The following ACBD6 variants were observed in gnomAD, a reference collection of about 807,000 sequenced individuals.
ACBD6 encodes the protein acyl-CoA binding domain containing 6.
ACBD6 carries 28 observed loss-of-function variants against 37.2 expected under a neutral mutation model. That is an observed-to-expected ratio of 0.75 (90% CI 0.56 to 1.03). ACBD6 has a LOEUF of 1.03. Ranked by LOEUF, ACBD6 falls within the 50% of genes least tolerant of loss-of-function variation. The pLI, the probability that ACBD6 is intolerant of heterozygous loss-of-function variation, is 0.00. For missense variants in ACBD6, 340 were observed against 337.4 expected, an observed-to-expected ratio of 1.01 and a Z score of -0.06; for synonymous variants, 113 against 126.8, an observed-to-expected ratio of 0.89 and a Z score of 0.73.
intron 3 of ACBD6, among the ~76,000 whole-genome samples, chr1:180,444,839 G>A (rs1277949569): frequency 6.6e-6 from 1 of 152,104 alleles, no homozygotes; most frequent in Non-Finnish European, 1.5e-5. Context: ...ATAAGTTGTT[G>A]GCTAAATCTT....
intron 3 of ACBD6, among the ~76,000 whole-genome samples, chr1:180,434,139 C>A (rs555537676): frequency 2.0e-4 from 30 of 152,158 alleles, no homozygotes; most frequent in Non-Finnish European, 4.3e-4. Context: ...AAGTCGGGGT[C>A]TGGACATGCC....
intron 3 of ACBD6, among the ~76,000 whole-genome samples, chr1:180,456,018 C>T (rs570715642): frequency 1.7e-4 from 26 of 152,066 alleles, no homozygotes; most frequent in Admixed American, 1.3e-3. Context: ...CGAGACCAGC[C>T]GGGCCAACAT....
intron 6 of ACBD6, among the ~76,000 whole-genome samples, chr1:180,343,331 A>T (rs1022062084): frequency 3.3e-5 from 5 of 152,170 alleles, no homozygotes; most frequent in Non-Finnish European, 7.4e-5. Context: ...TAAGCAATAT[A>T]CATAAATGAT....
chr1:180,337,419 T>TAG (rs1178429519), intron 6 of ACBD6, among the ~76,000 whole-genome samples: 2 of 152,142 alleles, frequency 1.3e-5, no homozygotes, highest in Non-Finnish European at 2.9e-5. Context: ...ATTATCTCAA[T>TAG]AGATGCAGAA....
chr1:180,344,501 C>T (rs1234152282), intron 6 of ACBD6, among the ~76,000 whole-genome samples: 2 of 152,106 alleles, frequency 1.3e-5, no homozygotes, highest in African/African-American at 2.4e-5. Context: ...AAATAAAAGG[C>T]AGAATGTAAC....
chr1:180,349,136 A>AT (rs1363387305), intron 6 of ACBD6, among the ~76,000 whole-genome samples: 2 of 151,936 alleles, frequency 1.3e-5, no homozygotes, highest in East Asian at 3.8e-4. Context: ...TTTTCTTATA[A>AT]AGTCAGCTTT....
chr1:180,402,702 C>T (rs1029747251), intron 5 of ACBD6, among the ~76,000 whole-genome samples: 1 of 151,482 alleles, frequency 6.6e-6, no homozygotes, highest in Non-Finnish European at 1.5e-5. Context: ...CTCGGCTCAA[C>T]AGGAGAATCA....
rs535221971 is a variant in ACBD6 at position 180,295,109 on chromosome 1, T to C, written c.695-6592A>G. 1.6e-4 allele frequency among the ~76,000 whole-genome samples: 24 copies of C among 152,356 alleles called. No individual in the cohort carries two copies. The South Asian group carries it at 5.0e-3, about 32-fold the overall frequency. ...TGATTTTCTGTTTTCTGATTTTCTATTTCAATGATTTCTGCTCCGATCTTT... is the reference window on the plus strand; with the variant it reads ...TGATTTTCTGTTTTCTGATTTTCTACTTCAATGATTTCTGCTCCGATCTTT... On this transcript the variant is annotated intron_variant, in intron 7 of 7. Transcript: ENST00000367595.
Position 180,328,154 on chromosome 1 carries a change from G to A in ACBD6, c.664-13432C>T, listed in dbSNP as rs1651327291. Among the ~76,000 whole-genome samples the A allele has an allele frequency of 2.0e-5, 3 of 151,944 alleles. No individual in the cohort carries two copies. In the South Asian group the frequency reaches 6.2e-4, roughly 32 times the overall value. ...TTCTGCATAAAATTGTGTAGCCCCT[G>A]GTTTTTAACTGCTAAATACATTTTA... On this transcript the variant is annotated intron_variant, in intron 6 of 7. Coordinates refer to ENST00000367595, the MANE Select transcript of ACBD6 (RefSeq NM_032360.4).
At chr1:180,310,856 C>T (rs1456463557) in intron 7 of ACBD6, among the ~76,000 whole-genome samples, 2 of 152,094 alleles carry the variant, frequency 1.3e-5, no homozygotes, top group East Asian at 1.9e-4. Context: ...CCAATCTGAT[C>T]GGTATGAAGT....
intron 4 of ACBD6, among the ~76,000 whole-genome samples, chr1:180,418,291 T>C (rs376621615): frequency 1.7e-4 from 26 of 152,122 alleles, no homozygotes; most frequent in Admixed American, 3.9e-4. Flanking sequence ...TTAAGACTTA[T>C]ATGAGGAAGT....
intron 6 of ACBD6, among the ~76,000 whole-genome samples, chr1:180,364,322 T>C (rs1312716703): frequency 1.3e-5 from 2 of 152,222 alleles, no homozygotes; most frequent in Non-Finnish European, 2.9e-5. Context: ...CTACCAGTGA[T>C]AAGACATCTT....
intron 3 of ACBD6, among the ~76,000 whole-genome samples, chr1:180,482,205 T>A (rs1018762241): frequency 6.6e-6 from 1 of 152,164 alleles, no homozygotes; most frequent in Non-Finnish European, 1.5e-5. Context: ...TATAAATTTA[T>A]CTATCTTTCA....
At chr1:180,420,683 G>A (rs1265413106) in intron 4 of ACBD6, among the ~76,000 whole-genome samples, 1 of 152,108 alleles carries the variant, frequency 6.6e-6, no homozygotes, top group East Asian at 1.9e-4. Flanking sequence ...CTGACTTCAG[G>A]GAAAAAGAAT....
At chr1:180,378,907 C>A (rs1184710727) in intron 6 of ACBD6, among the ~76,000 whole-genome samples, 1 of 152,152 alleles carries the variant, frequency 6.6e-6, no homozygotes, top group Non-Finnish European at 1.5e-5. Context: ...CTGCCACTGC[C>A]CATGTCACAC....
intron 6 of ACBD6, among the ~76,000 whole-genome samples, chr1:180,356,392 G>A (rs1343305694): frequency 1.3e-5 from 2 of 151,596 alleles, no homozygotes; most frequent in East Asian, 3.9e-4. Context: ...GACTGGTCTT[G>A]AACATCTGGG....
chr1:180,364,736 C>CTTTT (rs10646954), intron 6 of ACBD6, among the ~76,000 whole-genome samples: 6 of 140,886 alleles, frequency 4.3e-5, no homozygotes, highest in Admixed American at 7.1e-5. Flanking sequence ...TCCTTTCTAT[C>CTTTT]TTTTTTTTTT....
chr1:180,407,569 A>G (rs978342449), intron 5 of ACBD6, among the ~76,000 whole-genome samples: 5 of 152,230 alleles, frequency 3.3e-5, no homozygotes, highest in Non-Finnish European at 5.9e-5. Context: ...AAACCAGAGC[A>G]TAACACAGGG....
chr1:180,381,242 G>C (rs1653635459), intron 6 of ACBD6, among the ~76,000 whole-genome samples: 1 of 152,134 alleles, frequency 6.6e-6, no homozygotes, highest in African/African-American at 2.4e-5. Flanking sequence ...TAAAGGGCGG[G>C]ATAGACTCCA....
Sources: allele counts gnomAD v4.1 joint callset (sites outside exome capture counted in the v4.1 genomes callset), GRCh38; gene constraint gnomAD v4.1.1; transcripts MANE v1.5; gene names NCBI Gene and HGNC (gene_info 2026-07-23, HGNC 2026-07-21).